Variants in TOX2 observed in about 807,000 individuals in gnomAD.
The protein encoded by TOX2 is TOX high mobility group box family member 2.
Under a neutral mutation model 47.4 loss-of-function variants are expected in TOX2, and 15 were observed. The ratio of observed to expected loss-of-function variants is 0.32; its 90% CI spans 0.21 to 0.49. The LOEUF is 0.49. Among genes scored for constraint, TOX2 ranks in the 20% least tolerant of loss-of-function variants. The pLI, the probability that TOX2 is intolerant of heterozygous loss-of-function variation, is 0.99. For missense variants in TOX2, 622 were observed against 673.1 expected, an observed-to-expected ratio of 0.92 and a Z score of 0.84; for synonymous variants, 290 against 296.6, an observed-to-expected ratio of 0.98 and a Z score of 0.23.
In TOX2 at chr20:44,069,254, A is replaced by T. The variant is rs1281430856; in HGVS notation, c.*568A>T. 1 of 239,156 alleles carries T rather than the reference A, an allele frequency of 4.2e-6. No homozygotes were observed. The highest frequency in any genetic ancestry group is 8.4e-6 in the Non-Finnish European group (1 of 118,384). The allele number at this position is 239,156 out of a possible 1,614,324, so 14.8% of individuals were successfully genotyped here. A position where few individuals can be genotyped will look rare whatever the true frequency, so the allele number is the denominator to read the frequency against. On this transcript the variant is annotated 3_prime_UTR_variant, in exon 9 of 9. Coordinates refer to ENST00000341197, the MANE Select transcript of TOX2 (RefSeq NM_001098797.2). ...TTTCCTTTAAGGTAAAAAGCATTTT[A>T]TATGATCCTTAGCACATTTTTAAGT...
chr20:43,967,841 A>G (rs192598407), intron 1 of TOX2, among the ~76,000 whole-genome samples: 16 of 152,336 alleles, frequency 1.1e-4, no homozygotes, highest in African/African-American at 3.8e-4. Context: ...TTTAAAAATA[A>G]TGAAAAGAGT....
chr20:44,032,085 G>A (rs1171207391), intron 3 of TOX2, among the ~76,000 whole-genome samples: 2 of 152,206 alleles, frequency 1.3e-5, no homozygotes, highest in Admixed American at 1.3e-4. Flanking sequence ...CCGGTGTGAG[G>A]GGCAGGGGAG....
chr20:43,993,722 G>A (rs1432386978), intron 2 of TOX2, among the ~76,000 whole-genome samples: 1 of 152,162 alleles, frequency 6.6e-6, no homozygotes, highest in Non-Finnish European at 1.5e-5. Context: ...CAATAGAGTT[G>A]AATAGTTCTG....
At position 43,957,324 on chromosome 20, in the gene TOX2, C is replaced by T. The variant is rs546624121; in HGVS notation, c.100-16043C>T. On this transcript the variant is annotated intron_variant, in intron 1 of 8. Coordinates refer to ENST00000341197, the MANE Select transcript of TOX2 (RefSeq NM_001098797.2). ...CATTCTGTTTATTATATAATTAGCC[C>T]TTGTCTCTTTGTTTGCAAAAGGGGA... is the stretch of plus-strand genomic sequence containing the variant. Among the ~76,000 whole-genome samples, 28 of 152,322 alleles carry T rather than the reference C, an allele frequency of 1.8e-4. 1 individual carries two copies. The East Asian group carries it at 5.2e-3, about 28-fold the overall frequency.
At chr20:43,952,013 C>T (rs1365299259) in intron 1 of TOX2, among the ~76,000 whole-genome samples, 1 of 151,824 alleles carries the variant, frequency 6.6e-6, no homozygotes, top group African/African-American at 2.4e-5. Flanking sequence ...TCTCCTGTCT[C>T]GCCCTCCCGA....
At chr20:44,057,548 A>G (rs2071642749) in intron 5 of TOX2, among the ~76,000 whole-genome samples, 1 of 151,464 alleles carries the variant, frequency 6.6e-6, no homozygotes, top group Admixed American at 6.6e-5. Context: ...GATGGATAGG[A>G]AAGTTCTTTC....
chr20:44,038,464 T>A lies in TOX2; in HGVS notation c.412-12842T>A, dbSNP rs78671559. ...AGAGCACAATTGAACATAGCCGTTG[T>A]TGCCATCAGAAGATTGATTCTACAT... On this transcript the variant is annotated intron_variant, in intron 3 of 8. Coordinates refer to ENST00000341197, the MANE Select transcript of TOX2 (RefSeq NM_001098797.2). 2.2e-3 allele frequency among the ~76,000 whole-genome samples: 334 copies of A among 152,298 alleles called. 1 individual carries two copies. The highest frequency in any genetic ancestry group is 7.7e-3 in the African/African-American group (320 of 41,564).
At chr20:43,961,912 A>G (rs2069765455) in intron 1 of TOX2, among the ~76,000 whole-genome samples, 1 of 152,016 alleles carries the variant, frequency 6.6e-6, no homozygotes, top group Non-Finnish European at 1.5e-5. Context: ...ATCTCATTAC[A>G]CCTTGACCCA....
At chr20:44,054,824 C>T (rs1448612207) in intron 5 of TOX2, among the ~76,000 whole-genome samples, 1 of 152,198 alleles carries the variant, frequency 6.6e-6, no homozygotes, top group Non-Finnish European at 1.5e-5. Flanking sequence ...TCCATCTTGT[C>T]CCACCAACCC....
chr20:44,062,180 G>A (rs1569149154), intron 5 of TOX2, among the ~76,000 whole-genome samples: 1 of 152,034 alleles, frequency 6.6e-6, no homozygotes, highest in Non-Finnish European at 1.5e-5. Context: ...AACTGTCACT[G>A]TTTGCTGATG....
intron 1 of TOX2, among the ~76,000 whole-genome samples, chr20:43,921,672 T>C (rs1163981172): frequency 1.3e-5 from 2 of 152,100 alleles, no homozygotes; most frequent in African/African-American, 4.8e-5. Flanking sequence ...CTTTTTTTTT[T>C]TCTAGAGACA....
chr20:44,023,005 G>A (rs78256180), intron 3 of TOX2, among the ~76,000 whole-genome samples: 3,070 of 151,558 alleles, frequency 0.02, 104 homozygotes, highest in African/African-American at 0.071. Context: ...AGGGAGGTGG[G>A]GGGAGGAAGA....
rs2069053748 is a variant in TOX2, at chr20:43,916,243, C to A, written c.99+1253C>A. 3.0e-6 allele frequency: 3 copies of A among 984,774 alleles called. No individual in the cohort carries two copies. The highest frequency in any genetic ancestry group is 1.2e-4 in the Admixed American group (2 of 16,274). 61.0% of individuals were successfully genotyped at this position (984,774 alleles called of 1,614,324 possible). A position where few individuals can be genotyped will look rare whatever the true frequency, so the allele number is the denominator to read the frequency against. On this transcript the variant is annotated intron_variant, in intron 1 of 8. Transcript: ENST00000341197. This position sits in a 1 kb window ranked among gnomAD's most constrained non-coding sequence, Gnocchi z 5.0. The stretch of plus-strand genomic sequence containing the variant: ...CGTCCAGTGGCTGGATCGGCGCCCC[C>A]CAGGGTCTCTCCCCAACCTCGCAGG...
rs370361315 is a variant in TOX2 at position 43,941,178 on chromosome 20, C to T, written c.99+26188C>T. Reference sequence around the variant, plus strand: ...GATGTGAGGGAAGGGGGCGTGGAAGCTTGGGTTTGGGCTGTTGTGGGTTAC... The same window carrying T: ...GATGTGAGGGAAGGGGGCGTGGAAGTTTGGGTTTGGGCTGTTGTGGGTTAC... On this transcript the variant is annotated intron_variant, in intron 1 of 8. Transcript: ENST00000341197. Among the ~76,000 whole-genome samples, 16 of 152,198 alleles carry T rather than the reference C, an allele frequency of 1.1e-4. 1 individual carries two copies. The highest frequency in any genetic ancestry group is 3.9e-4 in the Admixed American group (6 of 15,290).
intron 1 of TOX2, among the ~76,000 whole-genome samples, chr20:43,967,995 A>G (rs1257208896): frequency 6.6e-6 from 1 of 152,188 alleles, no homozygotes; most frequent in African/African-American, 2.4e-5. Context: ...TAGAAAATGT[A>G]AAATTACATA....
At chr20:43,941,346 T>C (rs571236523) in intron 1 of TOX2, among the ~76,000 whole-genome samples, 46 of 151,974 alleles carry the variant, frequency 3.0e-4, no homozygotes, top group African/African-American at 1.1e-3. Context: ...TTTGAGTATT[T>C]TTTGAGACAG....
At chr20:43,998,721 A>ATCTG (rs1555837873) in intron 2 of TOX2, among the ~76,000 whole-genome samples, 1 of 26,816 alleles carries the variant, frequency 3.7e-5, no homozygotes, top group African/African-American at 8.5e-5. Flanking sequence ...GGCCTGATAC[A>ATCTG]TCTATCTATC....
intron 3 of TOX2, among the ~76,000 whole-genome samples, chr20:44,015,525 T>A (rs1213483930): frequency 6.6e-6 from 1 of 152,146 alleles, no homozygotes; most frequent in African/African-American, 2.4e-5. Flanking sequence ...AAAGCTAAGC[T>A]AATAAAAGCT....
At chr20:43,958,934 A>G (rs1183987318) in intron 1 of TOX2, among the ~76,000 whole-genome samples, 1 of 152,228 alleles carries the variant, frequency 6.6e-6, no homozygotes, top group Non-Finnish European at 1.5e-5. Flanking sequence ...GAATTAGAAT[A>G]ACTCATTGGC....
Sources: allele counts gnomAD v4.1 joint callset (sites outside exome capture counted in the v4.1 genomes callset), GRCh38; gene constraint gnomAD v4.1.1; non-coding constraint Gnocchi (gnomAD v3.1); transcripts MANE v1.5; gene names NCBI Gene and HGNC (gene_info 2026-07-23, HGNC 2026-07-21).